GNA14: variants seen among roughly 807,000 people sequenced by gnomAD.
GNA14 encodes the protein G protein subunit alpha 14.
In GNA14, 50 loss-of-function variants were observed where a neutral mutation model predicts 42.0. The observed-to-expected ratio is 1.19, with a 90% CI of 0.95 to 1.51. The LOEUF (loss-of-function observed/expected upper bound fraction) is 1.51. Ranked by LOEUF, GNA14 falls within the 40% of genes most tolerant of loss-of-function variation. GNA14 has a pLI of 0.00. For missense variants in GNA14, 473 were observed against 446.2 expected, an observed-to-expected ratio of 1.06 and a Z score of -0.54; for synonymous variants, 173 against 163.1, an observed-to-expected ratio of 1.06 and a Z score of -0.46.
At chr9:77,491,870 C>T (rs541403723) in intron 2 of GNA14, among the ~76,000 whole-genome samples, 1 of 152,298 alleles carries the variant, frequency 6.6e-6, no homozygotes, top group African/African-American at 2.4e-5. Flanking sequence ...ACATTCTTTT[C>T]ATCAGCAAAT....
rs543042759 is a variant in GNA14, at chr9:77,542,090, T to C, written c.125-12837A>G. 3.9e-4 allele frequency among the ~76,000 whole-genome samples: 60 copies of C among 152,338 alleles called. 1 individual carries two copies. Among genetic ancestry groups the C allele is most frequent in the South Asian group, 2.1e-4 (1 of 4,830 alleles). ...TTATTGTGTTCCTTTGGAGGTGTCC[T>C]ATTACCTTGCTTTTTCCTGTTTCCT... On this transcript the variant is annotated intron_variant, in intron 1 of 6. Transcript: ENST00000341700.
intron 2 of GNA14, among the ~76,000 whole-genome samples, chr9:77,468,635 T>C (rs887348546): frequency 2.0e-5 from 3 of 152,242 alleles, no homozygotes; most frequent in African/African-American, 7.2e-5. Context: ...TGATCTGATT[T>C]GGTCGACATA....
chr9:77,620,314 A>G (rs566712604), intron 1 of GNA14, among the ~76,000 whole-genome samples: 16 of 152,244 alleles, frequency 1.1e-4, no homozygotes, highest in Non-Finnish European at 1.8e-4. Context: ...GATTTATACC[A>G]AAGATTTCTG....
In GNA14 at chr9:77,428,898, C is replaced by T. The variant is rs775848132; in HGVS notation, c.723+9G>A. On this transcript the variant is annotated intron_variant, in intron 5 of 6. Coordinates refer to ENST00000341700, the MANE Select transcript of GNA14 (RefSeq NM_004297.4). ...TTCCACAGCTACCCAAACTTCCCGC[C>T]CAGCATACCTCGTTGTCACACTCAG... 6.2e-7 allele frequency: 1 copy of T among 1,612,476 alleles called. No homozygotes were observed. The highest frequency in any genetic ancestry group is 1.1e-5 in the South Asian group (1 of 90,740).
chr9:77,435,216 G>T (rs1835624296), intron 2 of GNA14, among the ~76,000 whole-genome samples: 1 of 152,022 alleles, frequency 6.6e-6, no homozygotes, highest in South Asian at 2.1e-4. Context: ...AATTAGCTGG[G>T]CATGGCGGCG....
chr9:77,576,239 G>C (rs181383807), intron 1 of GNA14, among the ~76,000 whole-genome samples: 31 of 152,166 alleles, frequency 2.0e-4, no homozygotes, highest in Non-Finnish European at 4.3e-4. Context: ...CGTTGAAAGA[G>C]AGGGTAATTT....
intron 2 of GNA14, among the ~76,000 whole-genome samples, chr9:77,500,385 T>G (rs1836946536): frequency 6.6e-6 from 1 of 152,212 alleles, no homozygotes; most frequent in Non-Finnish European, 1.5e-5. Context: ...AAATTTTAAC[T>G]CTTTGATATA....
rs149212207 is a variant in GNA14 at position 77,497,448 on chromosome 9, T to A, written c.309+31621A>T. Among the ~76,000 whole-genome samples the A allele has an allele frequency of 6.6e-5, 10 of 152,272 alleles. No individual in the cohort carries two copies. The East Asian group carries it at 1.7e-3, about 26-fold the overall frequency. ...CTGAGTCTCATGGACACCTTTGATT[T>A]ACCTATAAAATGAAGACACCACATC... On this transcript the variant is annotated intron_variant, in intron 2 of 6. Transcript: ENST00000341700.
intron 2 of GNA14, among the ~76,000 whole-genome samples, chr9:77,511,652 C>T (rs147644234): frequency 1.7e-3 from 263 of 152,292 alleles, no homozygotes; most frequent in African/African-American, 6.0e-3. Flanking sequence ...GCACAGACCA[C>T]ACGCCCTCAC....
rs184014967 is a variant in GNA14 at position 77,477,182 on chromosome 9, C to A, written c.310-42660G>T. On this transcript the variant is annotated intron_variant, in intron 2 of 6. Transcript: ENST00000341700. ...GACGAGCCGAGGCAACATGGCGAAA[C>A]CCTGTCTCTACTAAAAATACAAAAA... is the stretch of plus-strand genomic sequence containing the variant. Among the ~76,000 whole-genome samples the A allele has an allele frequency of 3.0e-3, 459 of 152,142 alleles. 2 individuals carry two copies. Among genetic ancestry groups the A allele is most frequent in the Admixed American group, 0.014 (207 of 15,264 alleles).
At chr9:77,548,013 C>T (rs933704571) in intron 1 of GNA14, among the ~76,000 whole-genome samples, 1 of 152,166 alleles carries the variant, frequency 6.6e-6, no homozygotes, top group South Asian at 2.1e-4. Context: ...GAATCATAAT[C>T]TTTGAGACAT....
chr9:77,428,639 G>A (rs1403445500), intron 5 of GNA14, among the ~76,000 whole-genome samples: 4 of 152,168 alleles, frequency 2.6e-5, no homozygotes, highest in Non-Finnish European at 5.9e-5. Context: ...CCAGGCCCGT[G>A]ATTCTCAGCC....
intron 2 of GNA14, among the ~76,000 whole-genome samples, chr9:77,466,687 A>G (rs541639754): frequency 3.3e-5 from 5 of 152,220 alleles, no homozygotes; most frequent in Admixed American, 2.0e-4. Flanking sequence ...TGCATGACTT[A>G]GAGCTTTCTT....
At chr9:77,489,753 G>A (rs917191846) in intron 2 of GNA14, among the ~76,000 whole-genome samples, 2 of 152,070 alleles carry the variant, frequency 1.3e-5, no homozygotes, top group Non-Finnish European at 2.9e-5. Flanking sequence ...CTCCCGGTGG[G>A]CTCGTGGTCT....
chr9:77,606,461 C>A (rs570024248), intron 1 of GNA14, among the ~76,000 whole-genome samples: 60 of 152,264 alleles, frequency 3.9e-4, no homozygotes, highest in Non-Finnish European at 7.8e-4. Context: ...CTCTTGGATT[C>A]TTCTTAATAT....
intron 1 of GNA14, among the ~76,000 whole-genome samples, chr9:77,646,989 G>A (rs1824365111): frequency 6.6e-6 from 1 of 152,208 alleles, no homozygotes; most frequent in African/African-American, 2.4e-5. Context: ...GGGCAAGGGA[G>A]GTTTGGGTCC....
chr9:77,560,299 T>C (rs1377582871), intron 1 of GNA14, among the ~76,000 whole-genome samples: 1 of 148,160 alleles, frequency 6.7e-6, no homozygotes, highest in African/African-American at 2.5e-5. Context: ...TTTTTTTTTT[T>C]TTTTTTTGAG....
intron 1 of GNA14, among the ~76,000 whole-genome samples, chr9:77,554,166 A>C (rs1012979298): frequency 6.6e-6 from 1 of 152,128 alleles, no homozygotes; most frequent in Non-Finnish European, 1.5e-5. Flanking sequence ...CACTGCAAGC[A>C]CTCAGCCAGT....
chr9:77,505,158 C>G (rs548142654), intron 2 of GNA14, among the ~76,000 whole-genome samples: 69 of 152,204 alleles, frequency 4.5e-4, no homozygotes, highest in African/African-American at 1.6e-3. Context: ...AGTGGACAGA[C>G]TAAATTTGAG....
Sources: gnomAD v4.1 joint callset for allele counts (sites outside exome capture counted in the v4.1 genomes callset) on GRCh38, gnomAD v4.1.1 for gene constraint, MANE v1.5 for transcripts, NCBI Gene and HGNC (gene_info 2026-07-23, HGNC 2026-07-21) for gene names.